The following PCM1 variants were observed in gnomAD, a reference collection of about 807,000 sequenced individuals.
PCM1 encodes the protein pericentriolar material 1.
Under a neutral mutation model 241.9 loss-of-function variants are expected in PCM1, and 157 were observed. The observed-to-expected ratio is 0.65, with a 90% CI of 0.57 to 0.74. The LOEUF is 0.74. PCM1 is among the 30% of genes least tolerant of loss of function. PCM1 has a pLI of 0.00. For missense variants in PCM1, 3,478 were observed against 2,360.1 expected, an observed-to-expected ratio of 1.47 and a Z score of -9.81; for synonymous variants, 1,085 against 784.9, an observed-to-expected ratio of 1.38 and a Z score of -6.39.
In PCM1 at chr8:17,972,321, T is replaced by C. The variant is rs368834481; in HGVS notation, c.3585-8T>C. ...GTTAACTTATAAAAACTTGTTTTCATTGGTAAGGAATAAAAAACTGCCTGA... is the reference window on the plus strand; with the variant it reads ...GTTAACTTATAAAAACTTGTTTTCACTGGTAAGGAATAAAAAACTGCCTGA... On this transcript the variant is annotated splice_polypyrimidine_tract_variant and splice_region_variant and intron_variant, in intron 22 of 38. Coordinates refer to ENST00000325083, the MANE Select transcript of PCM1 (RefSeq NM_006197.4). The C allele has an allele frequency of 1.6e-5, 23 of 1,454,558 alleles. No individual in the cohort carries two copies. Among genetic ancestry groups the C allele is most frequent in the African/African-American group, 5.7e-5 (4 of 70,648 alleles). 90.1% of individuals were successfully genotyped at this position (1,454,558 alleles called of 1,614,324 possible). A position where few individuals can be genotyped will look rare whatever the true frequency, so the allele number is the denominator to read the frequency against.
At chr8:17,963,417 T>G (rs1171976001) in intron 17 of PCM1, 126 bp downstream of exon 17, 1 of 616,294 alleles carries the variant, frequency 1.6e-6, no homozygotes, top group Non-Finnish European at 2.7e-6. Context: ...GGCTACTGTT[T>G]AACTACCACC....
In PCM1 at chr8:17,963,236, T is replaced by C. The variant is rs746954147; in HGVS notation, c.2599T>C (p.Leu867=). 7.4e-6 allele frequency: 12 copies of C among 1,613,452 alleles called. No homozygotes were observed. Among genetic ancestry groups the C allele is most frequent in the Non-Finnish European group, 5.9e-6 (7 of 1,179,736 alleles). The stretch of plus-strand genomic sequence containing the variant: ...AACTGCATCTCCAGTGGCTGTGTCA[T>C]TGAGAAGTGATGGATCTGAGAACCT... ...AETASPVAVS[L]RSDGSENLCT... The change falls in exon 17 of 39, where the codon TTG becomes CTG. Residue 867 remains leucine, a synonymous_variant. Coordinates refer to ENST00000325083, the MANE Select transcript of PCM1 (RefSeq NM_006197.4).
At chr8:17,945,604 T>C (rs1174169030) in intron 6 of PCM1, among the ~76,000 whole-genome samples, 1 of 152,228 alleles carries the variant, frequency 6.6e-6, no homozygotes, top group African/African-American at 2.4e-5. Context: ...CAAGTCACAG[T>C]GTAAAATATT....
At chr8:17,955,025 A>G (rs116883700) in intron 9 of PCM1, among the ~76,000 whole-genome samples, 216 of 152,280 alleles carry the variant, frequency 1.4e-3, no homozygotes, top group Non-Finnish European at 2.6e-3. Context: ...AATCAGCTAC[A>G]GCTACCCTGT....
At position 17,969,605 on chromosome 8, in the gene PCM1, T is replaced by G. The variant is rs765883177; in HGVS notation, c.3441T>G (p.Ser1147=). The G allele has an allele frequency of 6.2e-7, 1 of 1,610,186 alleles. No individual in the cohort carries two copies. Among genetic ancestry groups the G allele is most frequent in the Non-Finnish European group, 8.5e-7 (1 of 1,178,206 alleles). The part of the protein sequence containing the change: ...PGMNFSPLFP[S]NFGDFSQNIS... The stretch of plus-strand genomic sequence containing the variant: ...TGAATTTCAGCCCTTTATTTCCTTC[T>G]AATTTTGGAGATTTTTCTCAGAATA... Residue 1147 remains serine (S), a synonymous_variant, in exon 22 of 39, where the codon TCT becomes TCG. Transcript: ENST00000325083.
rs985774982 is a variant in PCM1 at position 17,964,834 on chromosome 8, G to A, written c.2855+66G>A. On this transcript the variant is annotated intron_variant, in intron 18 of 38. Transcript: ENST00000325083. ...CTCAGGTCTTTTTGACTGACAGCAA[G>A]CACTTCTGCAGTTCTCCAAGCCAAC... The A allele has an allele frequency of 5.0e-6, 6 of 1,194,976 alleles. No individual in the cohort carries two copies. The African/African-American group carries it at 6.0e-5, about 12-fold the overall frequency. The allele number at this position is 1,194,976 out of a possible 1,614,324, so 74.0% of individuals were successfully genotyped here.
rs1285354474 is a variant in PCM1, at chr8:17,960,120, A to G, written c.2147A>G (p.Asn716Ser). 2 of 1,597,874 alleles carry G rather than the reference A, an allele frequency of 1.3e-6. No homozygotes were observed. The highest frequency in any genetic ancestry group is 2.2e-5 in the East Asian group (1 of 44,506). The change falls in exon 14 of 39, where the codon AAT becomes AGT. Residue 716 changes from asparagine to serine, a missense_variant. Coordinates refer to ENST00000325083, the MANE Select transcript of PCM1 (RefSeq NM_006197.4). ...CAAAATTCAAATAACACTAGAGGAA[A>G]TGCCAATAAAACACAGAAAGATACT... ...TKQNSNNTRG[N>S]ANKTQKDTGV...
intron 13 of PCM1, 49 bp downstream of exon 13, chr8:17,957,824 C>G: frequency 8.0e-7 from 1 of 1,242,302 alleles, no homozygotes; most frequent in Non-Finnish European, 1.2e-6. Context: ...ATAGTACAGT[C>G]TTAAGTAAAA....
Position 18,013,957 on chromosome 8 carries a change from C to T in PCM1, c.5512-7C>T, listed in dbSNP as rs780912042. 4 of 1,580,778 alleles carry T rather than the reference C, an allele frequency of 2.5e-6. No individual in the cohort carries two copies. The highest frequency in any genetic ancestry group is 3.5e-5 in the Admixed American group (2 of 56,924). Reference sequence around the variant, plus strand: ...GGCCCTGCTATTAAAACATTTTTCCCTTCTAGGTCCTACAACGTGACTTTA... The same window carrying T: ...GGCCCTGCTATTAAAACATTTTTCCTTTCTAGGTCCTACAACGTGACTTTA... On this transcript the variant is annotated splice_polypyrimidine_tract_variant and splice_region_variant and intron_variant, in intron 34 of 38. Transcript: ENST00000325083.
chr8:17,949,397 T>C lies in PCM1; in HGVS notation c.962-1218T>C, dbSNP rs570774485. 9.9e-4 allele frequency among the ~76,000 whole-genome samples: 151 copies of C among 152,234 alleles called. 1 individual carries two copies. The highest frequency in any genetic ancestry group is 3.5e-3 in the African/African-American group (144 of 41,546). ...CAGCATAGAGTTTTGACTAGACATA[T>C]AGGATTCTATATAGCCTTGAAATTC... On this transcript the variant is annotated intron_variant, in intron 7 of 38. Transcript: ENST00000325083.
chr8:17,960,768 C>T (rs534290082), intron 15 of PCM1, among the ~76,000 whole-genome samples: 119 of 152,050 alleles, frequency 7.8e-4, no homozygotes, highest in African/African-American at 2.8e-3. Context: ...TCGTGATTCG[C>T]CCGTCTCAGC....
intron 10 of PCM1, among the ~76,000 whole-genome samples, chr8:17,956,295 G>C (rs1342610903): frequency 6.6e-6 from 1 of 152,150 alleles, no homozygotes; most frequent in Non-Finnish European, 1.5e-5. Flanking sequence ...TGAGAAACTA[G>C]AAATCTTTTT....
intron 13 of PCM1, among the ~76,000 whole-genome samples, chr8:17,959,743 T>A (rs767104397): frequency 1.2e-4 from 19 of 152,210 alleles, no homozygotes; most frequent in Admixed American, 4.6e-4. Flanking sequence ...TTTATTGATA[T>A]ACCGTAGCTT....
chr8:17,948,634 C>T (rs989658793), intron 7 of PCM1, among the ~76,000 whole-genome samples: 2 of 152,058 alleles, frequency 1.3e-5, no homozygotes, highest in Non-Finnish European at 2.9e-5. Flanking sequence ...AATGATATAG[C>T]TGTATAGAGT....
chr8:18,028,663 TGA>T lies in PCM1; in HGVS notation c.*1002_*1003del. The T allele has an allele frequency of 1.4e-5, 1 of 69,104 alleles. No homozygotes were observed. 4.3% of individuals were successfully genotyped at this position (69,104 alleles called of 1,614,324 possible). On this transcript the variant is annotated 3_prime_UTR_variant, in exon 39 of 39. Coordinates refer to ENST00000325083, the MANE Select transcript of PCM1 (RefSeq NM_006197.4). The stretch of plus-strand genomic sequence containing the variant: ...TTTAAGTCAGCTTTTGAAAAGTGAT[TGA>T]TTTGCTTTTTATCCCAAACTGTCCA...
chr8:17,960,527 G>GTTTTCCTTTTT, intron 15 of PCM1, 83 bp downstream of exon 15: 2 of 412,976 alleles, frequency 4.8e-6, no homozygotes, highest in South Asian at 5.4e-5. Flanking sequence ...TTTTGTTTTT[G>GTTTTCCTTTTT]TTTTTCTTTT....
intron 24 of PCM1, 141 bp from the exon 25 acceptor site, chr8:17,985,306 C>A (rs866556663): frequency 2.4e-5 from 13 of 532,740 alleles, no homozygotes; most frequent in Non-Finnish European, 4.2e-5. Context: ...AGCTTCTTTT[C>A]TACTTTAAAA....
At chr8:17,988,582 A>G (rs182769776) in intron 26 of PCM1, among the ~76,000 whole-genome samples, 37 of 152,038 alleles carry the variant, frequency 2.4e-4, no homozygotes, top group African/African-American at 7.9e-4. Flanking sequence ...CTGCTTTTCA[A>G]AAGATACTGT....
chr8:17,939,736 A>T lies in PCM1; in HGVS notation c.658A>T (p.Ser220Cys), dbSNP rs922962896. Residue 220 changes from serine to cysteine, a missense_variant, in exon 6 of 39, where the codon AGT becomes TGT. Transcript: ENST00000325083. ...VQIRDYITKASSMREDLVEKN... is the reference protein window; with the variant it reads ...VQIRDYITKACSMREDLVEKN... ...AATTCGCGATTATATTACTAAAGCT[A>T]GTTCCATGCGGGAAGATCTTGTAGA... The T allele has an allele frequency of 8.3e-6, 13 of 1,560,250 alleles. No homozygotes were observed. The African/African-American group carries it at 1.4e-4, about 16-fold the overall frequency.
Sources: allele counts gnomAD v4.1 joint callset (sites outside exome capture counted in the v4.1 genomes callset), GRCh38; gene constraint gnomAD v4.1.1; transcripts MANE v1.5; gene names NCBI Gene and HGNC (gene_info 2026-07-23, HGNC 2026-07-21).